PRDM5: variants seen among roughly 807,000 people sequenced by gnomAD.
PRDM5 encodes the protein PR domain zinc finger protein 5.
A neutral mutation model predicts 81.2 loss-of-function variants in PRDM5; 56 were observed. The ratio of observed to expected loss-of-function variants is 0.69; its 90% CI spans 0.56 to 0.86. The LOEUF is 0.86. Among genes scored for constraint, PRDM5 ranks in the 40% least tolerant of loss-of-function variants. The probability of loss-of-function intolerance (pLI) is 0.00; values close to 1 mark genes in which losing one functional copy is unlikely to be tolerated. For missense variants in PRDM5, 697 were observed against 770.1 expected, an observed-to-expected ratio of 0.91 and a Z score of 1.12; for synonymous variants, 267 against 256.4, an observed-to-expected ratio of 1.04 and a Z score of -0.39.
At chr4:120,861,194 G>A (rs1418951211) in intron 2 of PRDM5, among the ~76,000 whole-genome samples, 7 of 152,066 alleles carry the variant, frequency 4.6e-5, no homozygotes, top group Non-Finnish European at 1.0e-4. Context: ...TTTTGGTAAA[G>A]ATGGGGTTTT....
At chr4:120,764,841 T>C (rs1746153032) in intron 13 of PRDM5, among the ~76,000 whole-genome samples, 1 of 152,176 alleles carries the variant, frequency 6.6e-6, no homozygotes, top group Non-Finnish European at 1.5e-5. Flanking sequence ...AAGAGAATAT[T>C]TGATTTGGTT....
At chr4:120,849,766 C>T (rs1355065048) in intron 3 of PRDM5, among the ~76,000 whole-genome samples, 1 of 152,026 alleles carries the variant, frequency 6.6e-6, no homozygotes, top group Non-Finnish European at 1.5e-5. Context: ...TATTTTTAAG[C>T]TACATATACA....
At chr4:120,685,461 T>C (rs1238767597) in intron 1 of PRDM5, among the ~76,000 whole-genome samples, 1 of 152,130 alleles carries the variant, frequency 6.6e-6, no homozygotes. Context: ...TATTCCCAAA[T>C]GAAATGCTTC....
intron 14 of PRDM5, among the ~76,000 whole-genome samples, chr4:120,718,295 G>GTC (rs1026351919): frequency 1.3e-5 from 2 of 152,272 alleles, no homozygotes; most frequent in South Asian, 2.1e-4. Context: ...GACAGTCTTT[G>GTC]TCTCTCTCTC....
At chr4:120,916,432 T>G (rs1724178486) in intron 1 of PRDM5, among the ~76,000 whole-genome samples, 1 of 151,900 alleles carries the variant, frequency 6.6e-6, no homozygotes, top group Non-Finnish European at 1.5e-5. Flanking sequence ...AATAGCTAAA[T>G]GTAATGGTAA....
At chr4:120,904,208 A>AAAAAAAAAAAC (rs1410008827) in intron 2 of PRDM5, among the ~76,000 whole-genome samples, 1 of 147,564 alleles carries the variant, frequency 6.8e-6, no homozygotes, top group Non-Finnish European at 1.5e-5. Context: ...AAAAAAAACA[A>AAAAAAAAAAAC]AAAAACCTCC....
At chr4:120,720,853 T>C (rs766986504) in intron 14 of PRDM5, among the ~76,000 whole-genome samples, 3 of 152,272 alleles carry the variant, frequency 2.0e-5, no homozygotes, top group Non-Finnish European at 2.9e-5. Flanking sequence ...TAATTGGTTT[T>C]GCATTGTAGC....
chr4:120,871,383 A>T (rs1390001148), intron 2 of PRDM5, among the ~76,000 whole-genome samples: 3 of 152,182 alleles, frequency 2.0e-5, no homozygotes, highest in Non-Finnish European at 4.4e-5. Flanking sequence ...TCCCTGTGGC[A>T]CGTCAGATGT....
At chr4:120,803,729 G>A (rs1578798416) in intron 8 of PRDM5, among the ~76,000 whole-genome samples, 1 of 152,314 alleles carries the variant, frequency 6.6e-6, no homozygotes, top group Non-Finnish European at 1.5e-5. Flanking sequence ...GGAACAACCA[G>A]TACCAGCCAC....
chr4:120,794,829 T>C (rs924662444), intron 10 of PRDM5, among the ~76,000 whole-genome samples: 2 of 152,136 alleles, frequency 1.3e-5, no homozygotes, highest in Admixed American at 6.5e-5. Flanking sequence ...TTTTGCCATG[T>C]TGGCCAGGCT....
Position 120,801,474 on chromosome 4 carries a change from G to C in PRDM5, c.946-1729C>G, listed in dbSNP as rs146802039. Among the ~76,000 whole-genome samples the C allele has an allele frequency of 2.4e-3, 362 of 152,348 alleles. 1 individual carries two copies. Among genetic ancestry groups the C allele is most frequent in the African/African-American group, 8.4e-3 (350 of 41,590 alleles). On this transcript the variant is annotated intron_variant, in intron 8 of 15. Coordinates refer to ENST00000264808, the MANE Select transcript of PRDM5 (RefSeq NM_018699.4). ...AGGTTGCCAACCAGCCTCTGCTTCT[G>C]TCAGGTCTGACTCTTGGTGAGTCAT...
At chr4:120,823,917 T>C (rs1755620754) in intron 3 of PRDM5, among the ~76,000 whole-genome samples, 1 of 152,212 alleles carries the variant, frequency 6.6e-6, no homozygotes, top group Non-Finnish European at 1.5e-5. Context: ...GTATAATGAA[T>C]GAGTTCTTCC....
At chr4:120,769,808 C>T (rs1169996766) in intron 13 of PRDM5, among the ~76,000 whole-genome samples, 1 of 152,008 alleles carries the variant, frequency 6.6e-6, no homozygotes, top group Non-Finnish European at 1.5e-5. Flanking sequence ...AGCAGTATAA[C>T]TGAAAGAAAA....
intron 3 of PRDM5, among the ~76,000 whole-genome samples, chr4:120,823,489 ATC>A (rs1317379447): frequency 2.0e-5 from 3 of 152,210 alleles, no homozygotes; most frequent in Non-Finnish European, 4.4e-5. Flanking sequence ...ATGTCTGGAT[ATC>A]TCTGTACATA....
rs1560890132 is a variant in PRDM5, at chr4:120,699,195, TA to T, written c.1729-3921del. Among the ~76,000 whole-genome samples the T allele has an allele frequency of 8.3e-3, 631 of 76,062 alleles. 11 individuals carry two copies. Among genetic ancestry groups the T allele is most frequent in the Middle Eastern group, 0.029 (4 of 138 alleles). The allele number at this position is 76,062 out of a possible 152,430, so 49.9% of individuals were successfully genotyped here. ...ATATATATATATATATATATATATA[TA>T]TATATATATTTCAGATGTCTCCTTA... On this transcript the variant is annotated intron_variant, in intron 15 of 15. Coordinates refer to ENST00000264808, the MANE Select transcript of PRDM5 (RefSeq NM_018699.4).
chr4:120,788,352 C>T (rs1750066788), intron 10 of PRDM5, among the ~76,000 whole-genome samples: 1 of 152,100 alleles, frequency 6.6e-6, no homozygotes, highest in African/African-American at 2.4e-5. Context: ...AAGCCGCATA[C>T]ATATATGCAC....
chr4:120,686,267 C>T (rs535890345), intron 1 of PRDM5, among the ~76,000 whole-genome samples: 11 of 152,116 alleles, frequency 7.2e-5, no homozygotes, highest in South Asian at 6.2e-4. Context: ...AATGCAAGAA[C>T]GGCCTAATAC....
At chr4:120,689,485 T>C (rs944354675), downstream of PRDM5, among the ~76,000 whole-genome samples, 1 of 152,184 alleles carries the variant, frequency 6.6e-6, no homozygotes, top group African/African-American at 2.4e-5. Context: ...ATTTTACTTA[T>C]GTGGTGAGCC....
At chr4:120,710,882 A>G (rs1011262662) in intron 14 of PRDM5, among the ~76,000 whole-genome samples, 1 of 152,222 alleles carries the variant, frequency 6.6e-6, no homozygotes, top group African/African-American at 2.4e-5. Flanking sequence ...ATTTCTTCAT[A>G]GTGGTGTGAG....
Sources: gnomAD v4.1 joint callset for allele counts (sites outside exome capture counted in the v4.1 genomes callset) on GRCh38, gnomAD v4.1.1 for gene constraint, MANE v1.5 for transcripts, NCBI Gene and HGNC (gene_info 2026-07-23, HGNC 2026-07-21) for gene names.